PDE1C: variants seen among roughly 807,000 people sequenced by gnomAD.
PDE1C encodes phosphodiesterase 1C.
A neutral mutation model predicts 93.1 loss-of-function variants in PDE1C; 62 were observed. That is an observed-to-expected ratio of 0.67 (90% CI 0.54 to 0.82). PDE1C has a LOEUF of 0.82. Among genes scored for constraint, PDE1C ranks in the 40% least tolerant of loss-of-function variants. The pLI is 0.00. For missense variants in PDE1C, 742 were observed against 884.6 expected, an observed-to-expected ratio of 0.84 and a Z score of 2.04; for synonymous variants, 325 against 310.1, an observed-to-expected ratio of 1.05 and a Z score of -0.50.
intron 8 of PDE1C, among the ~76,000 whole-genome samples, chr7:31,848,915 C>T (rs899790042): frequency 2.6e-5 from 4 of 152,180 alleles, no homozygotes; most frequent in African/African-American, 9.7e-5. Context: ...TACCTTGAAA[C>T]TGTTAGGCTT....
intron 2 of PDE1C, among the ~76,000 whole-genome samples, chr7:31,920,361 G>C (rs1035288831): frequency 6.6e-6 from 1 of 152,040 alleles, no homozygotes; most frequent in Non-Finnish European, 1.5e-5. Flanking sequence ...CATCCATTCT[G>C]CTCCTGTCTC....
At chr7:32,033,381 G>A (rs1790596259) in intron 2 of PDE1C, among the ~76,000 whole-genome samples, 2 of 151,990 alleles carry the variant, frequency 1.3e-5, no homozygotes, top group African/African-American at 4.8e-5. Context: ...GAATGTATAT[G>A]GAATATATTT....
rs142406657 is a variant in PDE1C, at chr7:32,396,249, C to T, written c.310+31573G>A. Among the ~76,000 whole-genome samples, 337 of 152,242 alleles carry T rather than the reference C, an allele frequency of 2.2e-3. 3 individuals are homozygous for T. Among genetic ancestry groups the T allele is most frequent in the African/African-American group, 7.7e-3 (321 of 41,548 alleles). ...ATCCCAACACTTTGGGAGGCTGAGG[C>T]AGGTGGATTGCTTGAGCCCAGGAAT... On this transcript the variant is annotated intron_variant, in intron 1 of 1. Coordinates refer to the PDE1C transcript ENST00000672256.
rs563585451 is a variant in PDE1C at position 32,241,544 on chromosome 7, C to A, written c.86-32005G>T. Among the ~76,000 whole-genome samples, 3 of 151,652 alleles carry A rather than the reference C, an allele frequency of 2.0e-5. No homozygotes were observed. The South Asian group carries it at 6.3e-4, about 32-fold the overall frequency. ...AGACTGAAGAGAGAAAACTGAGTCT[C>A]CATGTAAAAAAAAATTATGTTAAGA... On this transcript the variant is annotated intron_variant, in intron 1 of 18. Coordinates refer to the PDE1C transcript ENST00000396193.
chr7:31,812,668 G>T (rs1200131147), intron 15 of PDE1C, among the ~76,000 whole-genome samples: 1 of 152,122 alleles, frequency 6.6e-6, no homozygotes, highest in Non-Finnish European at 1.5e-5. Flanking sequence ...GCTTTAAAAT[G>T]GCAATGTTGA....
intron 15 of PDE1C, among the ~76,000 whole-genome samples, chr7:31,810,561 C>T (rs761380122): frequency 6.6e-6 from 1 of 152,130 alleles, no homozygotes; most frequent in Admixed American, 6.5e-5. Flanking sequence ...ATATCCCACT[C>T]ACCAAATGAT....
intron 2 of PDE1C, among the ~76,000 whole-genome samples, chr7:32,029,558 T>C (rs1789989638): frequency 6.7e-6 from 1 of 149,522 alleles, no homozygotes; most frequent in African/African-American, 2.5e-5. Flanking sequence ...AGAGTGGAGG[T>C]AAGTGTAGTG....
chr7:31,869,030 G>C (rs1468519540), intron 6 of PDE1C, among the ~76,000 whole-genome samples: 1 of 152,060 alleles, frequency 6.6e-6, no homozygotes, highest in Non-Finnish European at 1.5e-5. Context: ...CAGACCTACA[G>C]TGAATGCTTA....
At chr7:32,339,010 GCACACACACACA>G (rs57740255) in intron 1 of PDE1C, among the ~76,000 whole-genome samples, 8,649 of 138,610 alleles carry the variant, frequency 0.062, 344 homozygotes, top group Non-Finnish European at 0.086. Flanking sequence ...CTCAAAAAAA[GCACACACACACA>G]CACACACACA....
intron 16 of PDE1C, among the ~76,000 whole-genome samples, chr7:31,781,026 A>T (rs1783372787): frequency 6.6e-6 from 1 of 152,228 alleles, no homozygotes; most frequent in Non-Finnish European, 1.5e-5. Context: ...AATAGCTTTC[A>T]GATATTTCAA....
At chr7:31,806,265 C>T (rs374093593) in intron 16 of PDE1C, among the ~76,000 whole-genome samples, 9 of 152,018 alleles carry the variant, frequency 5.9e-5, no homozygotes, top group East Asian at 1.9e-4. Context: ...GTAAAGTTAA[C>T]GGCAAGTTTG....
chr7:31,972,258 T>G (rs1224478755), intron 2 of PDE1C, among the ~76,000 whole-genome samples: 1 of 152,200 alleles, frequency 6.6e-6, no homozygotes. Flanking sequence ...GAGAAATACA[T>G]TTGGTGATTT....
Position 31,992,982 on chromosome 7 carries a change from C to T in PDE1C, c.128+58572G>A, listed in dbSNP as rs77702828. On this transcript the variant is annotated intron_variant, in intron 2 of 17. Coordinates refer to ENST00000396191, the MANE Select transcript of PDE1C (RefSeq NM_001191057.4). Reference sequence around the variant, plus strand: ...TAATCCTCATATCAAACGATCGGCACCTACTTGGGGTATTGTCTAGAATAA... The same window carrying T: ...TAATCCTCATATCAAACGATCGGCATCTACTTGGGGTATTGTCTAGAATAA... 6.7e-3 allele frequency among the ~76,000 whole-genome samples: 1,013 copies of T among 152,244 alleles called. 8 individuals carry two copies. The highest frequency in any genetic ancestry group is 0.017 in the Middle Eastern group (5 of 294).
chr7:31,699,738 C>T, the PDE1C span, among the ~76,000 whole-genome samples: 3 of 151,894 alleles, frequency 2.0e-5, no homozygotes, highest in African/African-American at 2.4e-5. Context: ...GTGTTAACTT[C>T]ATGTCTCTGT....
intron 15 of PDE1C, among the ~76,000 whole-genome samples, chr7:31,814,103 T>C (rs116442279): frequency 0.028 from 4,037 of 146,416 alleles, 65 homozygotes; most frequent in East Asian, 0.065. Flanking sequence ...CACACACACA[T>C]ATATCACAAT....
intron 2 of PDE1C, among the ~76,000 whole-genome samples, chr7:32,197,577 TA>T (rs1288560564): frequency 6.6e-6 from 1 of 151,950 alleles, no homozygotes; most frequent in Non-Finnish European, 1.5e-5. Context: ...AAAGGAAAAA[TA>T]AAACGTATAT....
the PDE1C span, among the ~76,000 whole-genome samples, chr7:31,699,914 T>C: frequency 6.6e-6 from 1 of 152,118 alleles, no homozygotes; most frequent in Non-Finnish European, 1.5e-5. Context: ...AATCTATAAG[T>C]GGTGTATGCG....
At chr7:31,762,776 A>G (rs1331963817) in intron 17 of PDE1C, among the ~76,000 whole-genome samples, 1 of 152,212 alleles carries the variant, frequency 6.6e-6, no homozygotes, top group Non-Finnish European at 1.5e-5. Flanking sequence ...TTGCAGTCTG[A>G]GAAGCTATTT....
At chr7:32,389,240 G>A in intron 1 of PDE1C, among the ~76,000 whole-genome samples, 1 of 124,020 alleles carries the variant, frequency 8.1e-6, no homozygotes, top group Non-Finnish European at 1.8e-5. Context: ...GTTTGTTATG[G>A]AGTCTCACTG....
Sources: allele counts gnomAD v4.1 joint callset (sites outside exome capture counted in the v4.1 genomes callset), GRCh38; gene constraint gnomAD v4.1.1; transcripts MANE v1.5; gene names NCBI Gene and HGNC (gene_info 2026-07-23, HGNC 2026-07-21).